The following OSBPL6 variants were observed in gnomAD, a reference collection of about 807,000 sequenced individuals.
OSBPL6 encodes the protein oxysterol binding protein like 6.
In OSBPL6, 49 loss-of-function variants were observed where a neutral mutation model predicts 125.8. That is an observed-to-expected ratio of 0.39 (90% CI 0.31 to 0.49). The LOEUF (loss-of-function observed/expected upper bound fraction) is 0.49, where lower values mean the gene tolerates loss of function less well. OSBPL6 is among the 20% of genes least tolerant of loss of function. The pLI, the probability that OSBPL6 is intolerant of heterozygous loss-of-function variation, is 0.88. For synonymous variants in OSBPL6, 394 were observed against 391.8 expected (o/e 1.01, Z -0.07); for missense variants, 986 against 1,135.4 (o/e 0.87, Z 1.89).
In OSBPL6 at chr2:178,361,643, CAT is replaced by C; in HGVS notation, c.1154-36_1154-35del. Reference sequence around the variant, plus strand: ...TATAATGTTGTGTATTCTTTCTGCACATATCTGACAGTTTTTTCTCACTTTTC... The same window carrying C: ...TATAATGTTGTGTATTCTTTCTGCACATCTGACAGTTTTTTCTCACTTTTC... On this transcript the variant is annotated intron_variant, in intron 12 of 24. Coordinates refer to ENST00000190611, the MANE Select transcript of OSBPL6 (RefSeq NM_032523.4). 2.5e-6 allele frequency: 4 copies of C among 1,609,116 alleles called. No individual in the cohort carries two copies. In the East Asian group the frequency reaches 8.9e-5, roughly 36 times the overall value.
rs536859876 is a variant in OSBPL6 at position 178,391,966 on chromosome 2, A to G, written c.2447-446A>G. ...CTCGGGATACGTCAATGAGCAAGAC[A>G]TACAAAGATCCTGCCTTCAAGTTTA... On this transcript the variant is annotated intron_variant, in intron 22 of 24. Transcript: ENST00000190611. 1.4e-4 allele frequency among the ~76,000 whole-genome samples: 21 copies of G among 152,368 alleles called. 1 individual carries two copies. Among genetic ancestry groups the G allele is most frequent in the Admixed American group, 7.2e-4 (11 of 15,306 alleles).
intron 17 of OSBPL6, among the ~76,000 whole-genome samples, chr2:178,383,563 T>G (rs999558138): frequency 6.6e-6 from 1 of 152,204 alleles, no homozygotes; most frequent in Non-Finnish European, 1.5e-5. Context: ...CCTCACTTTA[T>G]CAGTTTTTCC....
chr2:178,246,108 A>G (rs1039259107), intron 1 of OSBPL6, among the ~76,000 whole-genome samples: 2 of 151,780 alleles, frequency 1.3e-5, no homozygotes, highest in Non-Finnish European at 2.9e-5. Context: ...GCTCTCACCT[A>G]TCTCCACTCC....
chr2:178,364,275 C>T (rs1331949892), intron 13 of OSBPL6, among the ~76,000 whole-genome samples: 1 of 152,276 alleles, frequency 6.6e-6, no homozygotes, highest in East Asian at 1.9e-4. Flanking sequence ...TATCAGTTAA[C>T]AATTTTAACT....
rs1684570948 is a variant in OSBPL6, at chr2:178,285,082, C to T, written c.-195C>T. On this transcript the variant is annotated 5_prime_UTR_variant, in exon 2 of 25. Transcript: ENST00000190611. ...TAAATCACTGTGAAACAGCTTTGAC[C>T]ATAAAGCTGACTTGGAAGACTTTGA... 2.5e-6 allele frequency: 1 copy of T among 398,418 alleles called. No homozygotes were observed. The highest frequency in any genetic ancestry group is 3.6e-5 in the East Asian group (1 of 28,066). The allele number at this position is 398,418 out of a possible 1,614,324, so 24.7% of individuals were successfully genotyped here.
intron 1 of OSBPL6, among the ~76,000 whole-genome samples, chr2:178,204,945 T>C (rs935151339): frequency 2.0e-5 from 3 of 152,202 alleles, no homozygotes; most frequent in Admixed American, 6.5e-5. Flanking sequence ...TTATTTCTCA[T>C]CCTTACAATA....
intron 1 of OSBPL6, among the ~76,000 whole-genome samples, chr2:178,255,878 A>G (rs775594968): frequency 6.6e-6 from 1 of 152,246 alleles, no homozygotes; most frequent in Non-Finnish European, 1.5e-5. Context: ...TTGGAGGGTA[A>G]AATGGCCTTG....
chr2:178,389,527 G>A (rs1018624031), intron 21 of OSBPL6, among the ~76,000 whole-genome samples: 1 of 152,086 alleles, frequency 6.6e-6, no homozygotes, highest in Non-Finnish European at 1.5e-5. Flanking sequence ...TCTGAATTTC[G>A]GGAACTCATT....
intron 1 of OSBPL6, among the ~76,000 whole-genome samples, chr2:178,209,720 G>A (rs2089747561): frequency 6.6e-6 from 1 of 151,820 alleles, no homozygotes; most frequent in South Asian, 2.1e-4. Flanking sequence ...TAAACTGAGG[G>A]CTTCATGGAC....
At chr2:178,337,696 T>C (rs1402990051) in intron 9 of OSBPL6, among the ~76,000 whole-genome samples, 1 of 152,200 alleles carries the variant, frequency 6.6e-6, no homozygotes, top group Non-Finnish European at 1.5e-5. Flanking sequence ...AAAATCTAAA[T>C]TGATGTCTCC....
chr2:178,332,115 G>A (rs1255439458), intron 6 of OSBPL6, among the ~76,000 whole-genome samples: 2 of 152,172 alleles, frequency 1.3e-5, no homozygotes, highest in Non-Finnish European at 2.9e-5. Flanking sequence ...TGGTGTAGGG[G>A]AAGTAACTGA....
intron 13 of OSBPL6, among the ~76,000 whole-genome samples, chr2:178,365,811 C>T (rs373318625): frequency 1.2e-4 from 19 of 152,258 alleles, no homozygotes; most frequent in African/African-American, 4.3e-4. Flanking sequence ...GGACCCAAGC[C>T]TATAGACAGG....
chr2:178,258,052 A>T (rs2091941290), intron 1 of OSBPL6, among the ~76,000 whole-genome samples: 1 of 151,926 alleles, frequency 6.6e-6, no homozygotes, highest in South Asian at 2.1e-4. Flanking sequence ...AAGCCTCCCA[A>T]AGTGCTGGGA....
chr2:178,328,405 A>T, intron 5 of OSBPL6, 27 bp downstream of exon 5: 3 of 1,601,676 alleles, frequency 1.9e-6, no homozygotes, highest in Non-Finnish European at 2.6e-6. Context: ...ATTCAGGTTC[A>T]GACCATCTTC....
rs1171983554 is a variant in OSBPL6 at position 178,306,294 on chromosome 2, AAGAGCATT to A, written c.102+10_102+17del. ...CAAAGGGACAGTAGGCAGGTAAGAGAAGAGCATTAAGTGCCTTTGGTTGTTTTATGCAA... is the reference window on the plus strand; with the variant it reads ...CAAAGGGACAGTAGGCAGGTAAGAGAAAGTGCCTTTGGTTGTTTTATGCAA... On this transcript the variant is annotated intron_variant, in intron 3 of 24. Coordinates refer to ENST00000190611, the MANE Select transcript of OSBPL6 (RefSeq NM_032523.4). The A allele has an allele frequency of 4.5e-6, 7 of 1,550,104 alleles. No homozygotes were observed. Among genetic ancestry groups the A allele is most frequent in the Non-Finnish European group, 6.2e-6 (7 of 1,121,674 alleles).
intron 1 of OSBPL6, among the ~76,000 whole-genome samples, chr2:178,228,265 G>C (rs75652817): frequency 1.3e-5 from 2 of 151,532 alleles, no homozygotes; most frequent in Non-Finnish European, 2.9e-5. Flanking sequence ...GCCGGGCGCG[G>C]TGGCTCATGC....
chr2:178,312,713 C>T lies in OSBPL6; in HGVS notation c.102+6427C>T, dbSNP rs542634486. 3.0e-4 allele frequency among the ~76,000 whole-genome samples: 45 copies of T among 152,314 alleles called. 1 individual carries two copies. The highest frequency in any genetic ancestry group is 3.4e-3 in the Middle Eastern group (1 of 294). Reference sequence around the variant, plus strand: ...TCAAGTGATCCACCCACCTCAGCCTCCCAAAGTGCTGGGATTTCAGGCATG... The same window carrying T: ...TCAAGTGATCCACCCACCTCAGCCTTCCAAAGTGCTGGGATTTCAGGCATG... On this transcript the variant is annotated intron_variant, in intron 3 of 24. Transcript: ENST00000190611.
chr2:178,384,472 T>G (rs570939846), intron 18 of OSBPL6, among the ~76,000 whole-genome samples: 5 of 152,324 alleles, frequency 3.3e-5, no homozygotes, highest in African/African-American at 1.2e-4. Flanking sequence ...AGATGTACAT[T>G]GATTCTGTCC....
intron 1 of OSBPL6, among the ~76,000 whole-genome samples, chr2:178,217,392 G>T (rs146965839): frequency 2.3e-3 from 356 of 152,294 alleles, no homozygotes; most frequent in Middle Eastern, 0.01. Context: ...TGCTACAAAA[G>T]AAGTCAGTGG....
Sources: gnomAD v4.1 joint callset for allele counts (sites outside exome capture counted in the v4.1 genomes callset) on GRCh38, gnomAD v4.1.1 for gene constraint, MANE v1.5 for transcripts, NCBI Gene and HGNC (gene_info 2026-07-23, HGNC 2026-07-21) for gene names.